NXPH3: variants seen among roughly 807,000 people sequenced by gnomAD.
NXPH3 encodes neurexophilin-3.
A neutral mutation model predicts 18.8 loss-of-function variants in NXPH3; 7 were observed. That is an observed-to-expected ratio of 0.37 (90% confidence interval 0.21 to 0.70). NXPH3 has a LOEUF of 0.70. NXPH3 is among the 30% of genes least tolerant of loss of function. The probability of loss-of-function intolerance (pLI) is 0.53; values close to 1 mark genes in which losing one functional copy is unlikely to be tolerated. For missense variants in NXPH3, 282 were observed against 338.1 expected (o/e 0.83, Z 1.30); for synonymous variants, 101 against 137.3 (o/e 0.74, Z 1.85).
In NXPH3 at chr17:49,578,322, A is replaced by T. The variant is rs956931907; in HGVS notation, c.55-274A>T. On this transcript the variant is annotated intron_variant, in intron 1 of 1. Transcript: ENST00000328741. This position sits in a 1 kb window ranked among gnomAD's most constrained non-coding sequence, Gnocchi z 4.5. The stretch of plus-strand genomic sequence containing the variant: ...GCCGTTGTCCCTGGTGCCACAGTTC[A>T]CTGGAGAGAATTATTGTCGGTCTTT... Among the ~76,000 whole-genome samples the T allele has an allele frequency of 6.7e-6, 1 of 150,338 alleles. No individual in the cohort carries two copies. Among genetic ancestry groups the T allele is most frequent in the Admixed American group, 6.6e-5 (1 of 15,140 alleles).
chr17:49,578,693 G>A lies in NXPH3; in HGVS notation c.152G>A (p.Gly51Asp). ...CGGCCCCGGGTGCCTCGGAAGCGGG[G>A]CCACATCTCACCTAAGTCCCGCCCC... The part of the protein sequence containing the change: ...QPRPRVPRKR[G>D]HISPKSRPMA... The change falls in exon 2 of 2, where the codon GGC becomes GAC. Residue 51 changes from glycine (G) to aspartate (D), a missense_variant. By Grantham distance (94) the Gly-to-Asp change is moderately conservative (BLOSUM62 -1). Coordinates refer to ENST00000328741, the MANE Select transcript of NXPH3 (RefSeq NM_007225.4). The surrounding 1 kb of genome is among the most constrained non-coding windows in gnomAD (Gnocchi z 4.5). 1.9e-6 allele frequency: 3 copies of A among 1,613,038 alleles called. No homozygotes were observed. The highest frequency in any genetic ancestry group is 1.7e-6 in the Non-Finnish European group (2 of 1,179,904).
intron 1 of NXPH3, 27 bp downstream of exon 1, chr17:49,576,300 G>C (rs1185066546): frequency 6.4e-7 from 1 of 1,557,546 alleles, no homozygotes; most frequent in East Asian, 2.4e-5. Flanking sequence ...GAGCTGCGCA[G>C]AGGGGCGGGG....
chr17:49,581,832 C>T lies in NXPH3; in HGVS notation c.*2532C>T. ...ACTTTGACCCCCCTCCTGCTCCTCTCCTCCTGTGGAGAGCCAGATGCTGGC... is the reference window on the plus strand; with the variant it reads ...ACTTTGACCCCCCTCCTGCTCCTCTTCTCCTGTGGAGAGCCAGATGCTGGC... On this transcript the variant is annotated 3_prime_UTR_variant, in exon 2 of 2. Coordinates refer to ENST00000328741, the MANE Select transcript of NXPH3 (RefSeq NM_007225.4). The T allele has an allele frequency of 1.4e-6, 1 of 700,582 alleles. No homozygotes were observed. The allele number at this position is 700,582 out of a possible 1,614,324, so 43.4% of individuals were successfully genotyped here.
In NXPH3 at chr17:49,578,668, C is replaced by G. The variant is rs147028083; in HGVS notation, c.127C>G (p.Arg43Gly). The change falls in exon 2 of 2, where the codon CGG becomes GGG. Residue 43 changes from arginine (R) to glycine (G), a missense_variant. Coordinates refer to ENST00000328741, the MANE Select transcript of NXPH3 (RefSeq NM_007225.4). This position sits in a 1 kb window ranked among gnomAD's most constrained non-coding sequence, Gnocchi z 4.5. ...GCGTGATGACCACGAGGGCCAGCCC[C>G]GGCCCCGGGTGCCTCGGAAGCGGGG... ...PERDDHEGQP[R>G]PRVPRKRGHI... The G allele has an allele frequency of 4.8e-3, 7,670 of 1,610,674 alleles. 40 individuals are homozygous for G. The highest frequency in any genetic ancestry group is 6.1e-3 in the Non-Finnish European group (7,207 of 1,178,660).
At position 49,578,906 on chromosome 17, in the gene NXPH3, T is replaced by G; in HGVS notation, c.365T>G (p.Ile122Ser). The change falls in exon 2 of 2, where the codon ATT (isoleucine) becomes AGT (serine). Residue 122 changes from isoleucine to serine, a missense_variant. By Grantham distance (142) the Ile-to-Ser change is moderately radical (BLOSUM62 -2). Coordinates refer to ENST00000328741, the MANE Select transcript of NXPH3 (RefSeq NM_007225.4). The surrounding 1 kb of genome is among the most constrained non-coding windows in gnomAD (Gnocchi z 4.5). ...CTGAACCTGCTCGTCACAGGGAAGA[T>G]TGTGGACCATGGCAATGGGACCTTC... ...VALNLLVTGK[I>S]VDHGNGTFSV... 1.1e-5 allele frequency: 18 copies of G among 1,614,102 alleles called. No homozygotes were observed. The highest frequency in any genetic ancestry group is 1.5e-5 in the Non-Finnish European group (18 of 1,180,018).
chr17:49,577,870 G>A (rs1198082261), intron 1 of NXPH3: 1 of 152,306 alleles, frequency 6.6e-6, no homozygotes. Context: ...CATTCACTCC[G>A]GGTCTCCCCT....
chr17:49,578,842 G>A lies in NXPH3; in HGVS notation c.301G>A (p.Gly101Ser), dbSNP rs1172255563. Residue 101 changes from glycine to serine, a missense_variant, in exon 2 of 2, where the codon GGC becomes AGC. Coordinates refer to ENST00000328741, the MANE Select transcript of NXPH3 (RefSeq NM_007225.4). The surrounding 1 kb of genome is among the most constrained non-coding windows in gnomAD (Gnocchi z 4.5). ...PPSAKVKKIF[G>S]WGDFYSNIKT... ...CTCAGCCAAGGTGAAGAAAATCTTT[G>A]GCTGGGGCGACTTCTACTCCAACAT... 6.2e-7 allele frequency: 1 copy of A among 1,614,118 alleles called. No individual in the cohort carries two copies. Among genetic ancestry groups the A allele is most frequent in the South Asian group, 1.1e-5 (1 of 91,076 alleles).
Position 49,576,226 on chromosome 17 carries a change from C to A in NXPH3, c.7C>A (p.Leu3Met). 1 of 1,567,672 alleles carries A rather than the reference C, an allele frequency of 6.4e-7. No individual in the cohort carries two copies. Among genetic ancestry groups the A allele is most frequent in the Non-Finnish European group, 8.6e-7 (1 of 1,156,362 alleles). ...ACGAGAGCGGAGGAGGAAGATGCAA[C>A]TGACTCGCTGCTGCTTCGTGTTCCT... MQ[L>M]TRCCFVFLVQ... The change falls in exon 1 of 2, where the codon CTG becomes ATG. Residue 3 changes from leucine (L) to methionine (M), a missense_variant. Transcript: ENST00000328741.
chr17:49,576,199 G>C lies in NXPH3; in HGVS notation c.-21G>C. 1 of 1,561,274 alleles carries C rather than the reference G, an allele frequency of 6.4e-7. No individual in the cohort carries two copies. The highest frequency in any genetic ancestry group is 8.7e-7 in the Non-Finnish European group (1 of 1,152,680). On this transcript the variant is annotated 5_prime_UTR_variant, in exon 1 of 2. Transcript: ENST00000328741. ...CCGAAAAGAGAAGGGGAGAGCGAGG[G>C]GACGAGAGCGGAGGAGGAAGATGCA...
rs1184040430 is a variant in NXPH3 at position 49,582,878 on chromosome 17, CCTT to C, written c.*3581_*3583del. On this transcript the variant is annotated 3_prime_UTR_variant, in exon 2 of 2. Transcript: ENST00000328741. ...TCAACTGGTAGCAATGCCCGAGTCT[CCTT>C]CTCGATGAAGCTTAAGGCAAAAGCA... 6.6e-6 allele frequency: 1 copy of C among 152,294 alleles called. No individual in the cohort carries two copies. The highest frequency in any genetic ancestry group is 2.4e-5 in the African/African-American group (1 of 41,438). 9.4% of individuals were successfully genotyped at this position (152,294 alleles called of 1,614,324 possible). A position where few individuals can be genotyped will look rare whatever the true frequency, so the allele number is the denominator to read the frequency against.
At position 49,578,394 on chromosome 17, in the gene NXPH3, T is replaced by TGG. The variant is rs35525659; in HGVS notation, c.55-192_55-191dup. ...GGCCAAGACAGTGAGGAAAGGACAATGGGGGGGGGGGTGACCCAACTGTCA... is the reference window on the plus strand; with the variant it reads ...GGCCAAGACAGTGAGGAAAGGACAATGGGGGGGGGGGGGTGACCCAACTGTCA... On this transcript the variant is annotated intron_variant, in intron 1 of 1. Transcript: ENST00000328741. This position sits in a 1 kb window ranked among gnomAD's most constrained non-coding sequence, Gnocchi z 4.5. Among the ~76,000 whole-genome samples, 871 of 136,436 alleles carry TGG rather than the reference T, an allele frequency of 6.4e-3. 10 individuals are homozygous for TGG. Among genetic ancestry groups the TGG allele is most frequent in the African/African-American group, 0.018 (663 of 37,320 alleles). 89.5% of individuals were successfully genotyped at this position (136,436 alleles called of 152,430 possible).
In NXPH3 at chr17:49,580,668, C is replaced by T. The variant is rs1379959567; in HGVS notation, c.*1368C>T. 1 of 152,364 alleles carries T rather than the reference C, an allele frequency of 6.6e-6. No homozygotes were observed. Among genetic ancestry groups the T allele is most frequent in the Non-Finnish European group, 1.5e-5 (1 of 68,146 alleles). The allele number at this position is 152,364 out of a possible 1,614,324, so 9.4% of individuals were successfully genotyped here. A position where few individuals can be genotyped will look rare whatever the true frequency, so the allele number is the denominator to read the frequency against. On this transcript the variant is annotated 3_prime_UTR_variant, in exon 2 of 2. Coordinates refer to ENST00000328741, the MANE Select transcript of NXPH3 (RefSeq NM_007225.4). ...CAATGAGGGTGTTCCTTGGTGTCCT[C>T]CCTGAACTGCCATCTGCAGACCCAG... is the stretch of plus-strand genomic sequence containing the variant.
rs1303936454 is a variant in NXPH3 at position 49,583,019 on chromosome 17, A to G, written c.*3719A>G. 1 of 151,976 alleles carries G rather than the reference A, an allele frequency of 6.6e-6. No individual in the cohort carries two copies. Among genetic ancestry groups the G allele is most frequent in the African/African-American group, 2.4e-5 (1 of 41,324 alleles). The allele number at this position is 151,976 out of a possible 1,614,324, so 9.4% of individuals were successfully genotyped here. A position where few individuals can be genotyped will look rare whatever the true frequency, so the allele number is the denominator to read the frequency against. The stretch of plus-strand genomic sequence containing the variant: ...TTGGCAGGAATGCTGGTGACCTTGC[A>G]TTGTGGCAGATTCAGGTGGCGAGGC... On this transcript the variant is annotated 3_prime_UTR_variant, in exon 2 of 2. Coordinates refer to ENST00000328741, the MANE Select transcript of NXPH3 (RefSeq NM_007225.4).
chr17:49,579,381 G>A lies in NXPH3; in HGVS notation c.*81G>A. ...AGGAGACCATCTGGACACCGGGCAG[G>A]GAAGGGGTTGGGCCTCAGGCAGGGA... On this transcript the variant is annotated 3_prime_UTR_variant, in exon 2 of 2. Transcript: ENST00000328741. This position sits in a 1 kb window ranked among gnomAD's most constrained non-coding sequence, Gnocchi z 6.0. 7.9e-7 allele frequency: 1 copy of A among 1,266,922 alleles called. No individual in the cohort carries two copies. 78.5% of individuals were successfully genotyped at this position (1,266,922 alleles called of 1,614,324 possible).
In NXPH3 at chr17:49,578,399, G is replaced by A. The variant is rs1050655389; in HGVS notation, c.55-197G>A. 6.6e-6 allele frequency among the ~76,000 whole-genome samples: 1 copy of A among 152,008 alleles called. No individual in the cohort carries two copies. The highest frequency in any genetic ancestry group is 1.5e-5 in the Non-Finnish European group (1 of 67,974). ...AGACAGTGAGGAAAGGACAATGGGG[G>A]GGGGGGTGACCCAACTGTCAGAACC... On this transcript the variant is annotated intron_variant, in intron 1 of 1. Coordinates refer to ENST00000328741, the MANE Select transcript of NXPH3 (RefSeq NM_007225.4). The surrounding 1 kb of genome is among the most constrained non-coding windows in gnomAD (Gnocchi z 4.5).
rs1445017733 is a variant in NXPH3 at position 49,581,622 on chromosome 17, G to A, written c.*2322G>A. 5 of 702,368 alleles carry A rather than the reference G, an allele frequency of 7.1e-6. No individual in the cohort carries two copies. The highest frequency in any genetic ancestry group is 1.5e-5 in the South Asian group (1 of 67,586). 43.5% of individuals were successfully genotyped at this position (702,368 alleles called of 1,614,324 possible). Reference sequence around the variant, plus strand: ...ACACCCCTCCTCCAGACCACCCTCCGCTCCCCACCCTGGAGGCTTGAGACT... The same window carrying A: ...ACACCCCTCCTCCAGACCACCCTCCACTCCCCACCCTGGAGGCTTGAGACT... On this transcript the variant is annotated 3_prime_UTR_variant, in exon 2 of 2. Coordinates refer to ENST00000328741, the MANE Select transcript of NXPH3 (RefSeq NM_007225.4).
Position 49,578,660 on chromosome 17 carries a change from G to A in NXPH3, c.119G>A (p.Gly40Asp), listed in dbSNP as rs377739324. 5 of 1,608,300 alleles carry A rather than the reference G, an allele frequency of 3.1e-6. No individual in the cohort carries two copies. Among genetic ancestry groups the A allele is most frequent in the Admixed American group, 1.7e-5 (1 of 59,594 alleles). The change falls in exon 2 of 2, where the codon GGC (glycine) becomes GAC (aspartate). Residue 40 changes from glycine to aspartate, a missense_variant. Transcript: ENST00000328741. The surrounding 1 kb of genome is among the most constrained non-coding windows in gnomAD (Gnocchi z 4.5). ...GACCCTGAGCGTGATGACCACGAGG[G>A]CCAGCCCCGGCCCCGGGTGCCTCGG... ...SEDPERDDHE[G>D]QPRPRVPRKR...
Position 49,578,541 on chromosome 17 carries a change from G to T in NXPH3, c.55-55G>T. ...GGGACAGGGGTACTGCTGGTAGCGG[G>T]GGTGGTGGACCTCCAGGGACAGGGC... On this transcript the variant is annotated intron_variant, in intron 1 of 1. Transcript: ENST00000328741. The surrounding 1 kb of genome is among the most constrained non-coding windows in gnomAD (Gnocchi z 4.5). 1.5e-6 allele frequency: 2 copies of T among 1,375,708 alleles called. No homozygotes were observed. The highest frequency in any genetic ancestry group is 2.0e-6 in the Non-Finnish European group (2 of 1,013,588). The allele number at this position is 1,375,708 out of a possible 1,614,324, so 85.2% of individuals were successfully genotyped here.
rs1448445830 is a variant in NXPH3, at chr17:49,580,397, C to G, written c.*1097C>G. The G allele has an allele frequency of 1.3e-5, 2 of 152,264 alleles. No individual in the cohort carries two copies. Among genetic ancestry groups the G allele is most frequent in the African/African-American group, 4.8e-5 (2 of 41,462 alleles). 9.4% of individuals were successfully genotyped at this position (152,264 alleles called of 1,614,324 possible). On this transcript the variant is annotated 3_prime_UTR_variant, in exon 2 of 2. Transcript: ENST00000328741. ...TGTCCAAGGAAAGGGCCTCAGGCATCCCTTGGTCCAGGAAGAATTTCTCTG... is the reference window on the plus strand; with the variant it reads ...TGTCCAAGGAAAGGGCCTCAGGCATGCCTTGGTCCAGGAAGAATTTCTCTG...
Sources: gnomAD v4.1 joint callset for allele counts (sites outside exome capture counted in the v4.1 genomes callset) on GRCh38, gnomAD v4.1.1 for gene constraint, Gnocchi (gnomAD v3.1) non-coding constraint, MANE v1.5 for transcripts, NCBI Gene and HGNC (gene_info 2026-07-23, HGNC 2026-07-21) for gene names.